MYO3B: variants seen among roughly 807,000 people sequenced by gnomAD.
MYO3B encodes myosin IIIB.
MYO3B carries 156 observed loss-of-function variants against 174.6 expected under a neutral mutation model. The ratio of observed to expected loss-of-function variants is 0.89; its 90% confidence interval spans 0.78 to 1.02. MYO3B has a LOEUF of 1.02. Among genes scored for constraint, MYO3B ranks in the 50% least tolerant of loss-of-function variants. The pLI is 0.00. For synonymous variants in MYO3B, 563 were observed against 569.1 expected (o/e 0.99, Z 0.15); for missense variants, 1,632 against 1,639.4 (o/e 1.00, Z 0.08).
intron 32 of MYO3B, among the ~76,000 whole-genome samples, chr2:170,578,291 A>G (rs1692921239): frequency 6.6e-6 from 1 of 152,216 alleles, no homozygotes; most frequent in South Asian, 2.1e-4. Flanking sequence ...GGGGAGGAGG[A>G]AGGCGGGGCC....
chr2:170,368,661 C>T (rs1453886239), intron 8 of MYO3B, among the ~76,000 whole-genome samples: 5 of 152,174 alleles, frequency 3.3e-5, no homozygotes, highest in Non-Finnish European at 5.9e-5. Flanking sequence ...ATTGTACTCA[C>T]TTCCTGTTCT....
rs1290274200 is a variant in MYO3B, at chr2:170,178,300, G to T, written c.2+11G>T. ...AAATAGGTCATCGATGTGAGTTGCA[G>T]TTATTTTCCTTCCAGCTTTCTTCTG... On this transcript the variant is annotated intron_variant, in intron 1 of 34. Coordinates refer to ENST00000408978, the MANE Select transcript of MYO3B (RefSeq NM_138995.5). 1 of 1,614,024 alleles carries T rather than the reference G, an allele frequency of 6.2e-7. No homozygotes were observed. Among genetic ancestry groups the T allele is most frequent in the Admixed American group, 1.7e-5 (1 of 59,996 alleles).
At chr2:170,343,764 A>T (rs2093994917) in intron 8 of MYO3B, 1 of 152,234 alleles carries the variant, frequency 6.6e-6, no homozygotes, top group African/African-American at 2.4e-5. Context: ...CTAAAGTCAA[A>T]TTGTATTCTA....
intron 32 of MYO3B, among the ~76,000 whole-genome samples, chr2:170,572,704 A>G (rs1692521181): frequency 6.6e-6 from 1 of 151,808 alleles, no homozygotes; most frequent in Non-Finnish European, 1.5e-5. Flanking sequence ...GATGTGATGC[A>G]CCCCTTGTAC....
chr2:170,477,816 G>A (rs1385192647), intron 25 of MYO3B, among the ~76,000 whole-genome samples: 1 of 151,496 alleles, frequency 6.6e-6, no homozygotes, highest in African/African-American at 2.4e-5. Flanking sequence ...AGAACCACTG[G>A]TGAATAGGTT....
intron 27 of MYO3B, among the ~76,000 whole-genome samples, chr2:170,501,066 A>G (rs1030079971): frequency 1.7e-4 from 24 of 141,924 alleles, no homozygotes; most frequent in African/African-American, 5.7e-4. Context: ...CAACTTCGAG[A>G]GTTGTGATGC....
chr2:170,277,442 G>C (rs998101549), intron 7 of MYO3B, among the ~76,000 whole-genome samples: 1 of 152,158 alleles, frequency 6.6e-6, no homozygotes, highest in African/African-American at 2.4e-5. Flanking sequence ...TTTTCAAAGA[G>C]AGTCTTGATT....
intron 25 of MYO3B, among the ~76,000 whole-genome samples, chr2:170,485,418 CACAGAGAGAG>C (rs1685982204): frequency 7.7e-6 from 1 of 130,656 alleles, no homozygotes. Flanking sequence ...CACACACACA[CACAGAGAGAG>C]AGAGAGAGAG....
intron 22 of MYO3B, among the ~76,000 whole-genome samples, chr2:170,431,059 G>T (rs1346055127): frequency 6.6e-6 from 1 of 152,160 alleles, no homozygotes; most frequent in Non-Finnish European, 1.5e-5. Context: ...CATGACATGG[G>T]TGCTGACAGA....
chr2:170,501,915 T>A, intron 28 of MYO3B, 50 bp downstream of exon 28: 1 of 1,261,838 alleles, frequency 7.9e-7, no homozygotes. Flanking sequence ...ATTCTGTGAC[T>A]AACTTCTGTG....
At chr2:170,291,987 A>T (rs1325925569) in intron 7 of MYO3B, among the ~76,000 whole-genome samples, 1 of 152,064 alleles carries the variant, frequency 6.6e-6, no homozygotes, top group Non-Finnish European at 1.5e-5. Flanking sequence ...ACATTTTGGA[A>T]AATTTTCTGT....
intron 32 of MYO3B, among the ~76,000 whole-genome samples, chr2:170,637,672 A>T (rs370162359): frequency 6.6e-6 from 1 of 152,232 alleles, no homozygotes; most frequent in Non-Finnish European, 1.5e-5. Context: ...CAAGGCAAAG[A>T]AATTTGGTAG....
At chr2:170,503,355 T>G (rs1369704249) in intron 28 of MYO3B, among the ~76,000 whole-genome samples, 2 of 152,130 alleles carry the variant, frequency 1.3e-5, no homozygotes, top group Non-Finnish European at 2.9e-5. Context: ...ATCAGGATAG[T>G]AATAATTGTA....
At chr2:170,525,188 G>A (rs1484753422) in intron 30 of MYO3B, among the ~76,000 whole-genome samples, 1 of 152,182 alleles carries the variant, frequency 6.6e-6, no homozygotes, top group Non-Finnish European at 1.5e-5. Flanking sequence ...TCCCATCTGT[G>A]CATGATGGGA....
chr2:170,547,076 T>A (rs1035270173), intron 32 of MYO3B, among the ~76,000 whole-genome samples: 1 of 151,442 alleles, frequency 6.6e-6, no homozygotes, highest in Admixed American at 6.6e-5. Flanking sequence ...TCCCAGCACT[T>A]TGGGAGGCCG....
intron 30 of MYO3B, among the ~76,000 whole-genome samples, chr2:170,529,452 CCTTTTTTTTCTTT>C (rs1189042741): frequency 6.7e-6 from 1 of 148,896 alleles, no homozygotes; most frequent in Non-Finnish European, 1.5e-5. Context: ...CTTCCTTCTT[CCTTTTTTTTCTTT>C]CTTCTTGTCT....
At chr2:170,595,953 G>A (rs1277692814) in intron 32 of MYO3B, among the ~76,000 whole-genome samples, 2 of 152,182 alleles carry the variant, frequency 1.3e-5, no homozygotes, top group Non-Finnish European at 2.9e-5. Flanking sequence ...ACCTTTTACA[G>A]TCAAAATACC....
intron 9 of MYO3B, 76 bp downstream of exon 9, chr2:170,369,453 C>T: frequency 1.4e-6 from 2 of 1,453,366 alleles, no homozygotes; most frequent in Admixed American, 2.0e-5. Context: ...ATTTGCCCAG[C>T]ATTATTACTG....
intron 25 of MYO3B, among the ~76,000 whole-genome samples, chr2:170,468,952 C>T (rs993076288): frequency 2.6e-5 from 4 of 152,008 alleles, no homozygotes; most frequent in Non-Finnish European, 4.4e-5. Context: ...GTTAGGAGTT[C>T]GAGACCAGCC....
Sources: gnomAD v4.1 joint callset for allele counts (sites outside exome capture counted in the v4.1 genomes callset) on GRCh38, gnomAD v4.1.1 for gene constraint, MANE v1.5 for transcripts, NCBI Gene and HGNC (gene_info 2026-07-23, HGNC 2026-07-21) for gene names.